SGO1: variants seen among roughly 807,000 people sequenced by gnomAD.
SGO1 encodes the protein shugoshin 1.
SGO1 carries 39 observed loss-of-function variants against 50.5 expected under a neutral mutation model. That is an observed-to-expected ratio of 0.77 (90% confidence interval 0.60 to 1.01). The LOEUF (loss-of-function observed/expected upper bound fraction) is 1.01, where lower values mean the gene tolerates loss of function less well. Among genes scored for constraint, SGO1 ranks in the 50% least tolerant of loss-of-function variants. The pLI is 0.00. For synonymous variants in SGO1, 191 were observed against 205.1 expected (o/e 0.93, Z 0.59); for missense variants, 638 against 606.0 (o/e 1.05, Z -0.55).
At position 20,183,759 on chromosome 3, in the gene SGO1, A is replaced by AT. The variant is rs1231713454; in HGVS notation, c.187dup (p.Met63AsnfsTer9). The AT allele has an allele frequency of 6.2e-7, 1 of 1,612,878 alleles. No individual in the cohort carries two copies. Among genetic ancestry groups the AT allele is most frequent in the Non-Finnish European group, 8.5e-7 (1 of 1,179,734 alleles). ...TTCATTTTCCAAAGCTAAAACTAAC[A>AT]TTTTGTTGTTGTCTTGGTAATTTTT... On this transcript the variant is annotated frameshift_variant, in exon 3 of 8. Transcript: ENST00000412997. LOFTEE classifies it high-confidence loss of function.
intron 5 of SGO1, among the ~76,000 whole-genome samples, chr3:20,175,544 C>T (rs1701283070): frequency 6.6e-6 from 1 of 152,184 alleles, no homozygotes; most frequent in East Asian, 1.9e-4. Context: ...CGCTTGTAAT[C>T]CCAGCACTTT....
downstream of SGO1, among the ~76,000 whole-genome samples, chr3:20,164,963 A>G (rs981985097): frequency 2.0e-5 from 3 of 152,250 alleles, no homozygotes; most frequent in Non-Finnish European, 4.4e-5. Context: ...CATTTTAAGG[A>G]AAACACAGAA....
At chr3:20,161,304 A>G (rs1407497515) in intron 8 of SGO1, 4 of 1,410,042 alleles carry the variant, frequency 2.8e-6, no homozygotes, top group African/African-American at 1.5e-5. Flanking sequence ...AGAAGGAAAA[A>G]TAAGTTCCAT....
At chr3:20,168,543 T>C (rs1308795184), downstream of SGO1, among the ~76,000 whole-genome samples, 4 of 152,050 alleles carry the variant, frequency 2.6e-5, no homozygotes, top group African/African-American at 9.7e-5. Context: ...CTTTCTGTGA[T>C]GATGGAAATG....
chr3:20,161,767 A>G (rs1700052175), intron 8 of SGO1, among the ~76,000 whole-genome samples: 2 of 152,342 alleles, frequency 1.3e-5, no homozygotes, highest in South Asian at 4.1e-4. Flanking sequence ...AATAAAAAGC[A>G]TGAATATTTA....
rs779035279 is a variant in SGO1 at position 20,171,063 on chromosome 3, A to G, written c.1452T>C (p.Tyr484=). 4 of 1,595,996 alleles carry G rather than the reference A, an allele frequency of 2.5e-6. No individual in the cohort carries two copies. The South Asian group carries it at 3.4e-5, about 14-fold the overall frequency. The change falls in exon 7 of 8, where the codon TAT becomes TAC. Residue 484 remains tyrosine (Y), a synonymous_variant. Coordinates refer to ENST00000412997, the MANE Select transcript of SGO1 (RefSeq NM_001199251.3). ...CTTACGAAGCGAGGGTGGGCTCCTT[A>G]TAGTTCACGCTGGCTGTGCACCTAC... ...PKRRCTASVN[Y]KEPTLASKLR...
At chr3:20,174,019 A>C (rs1028390878) in intron 6 of SGO1, among the ~76,000 whole-genome samples, 11 of 152,172 alleles carry the variant, frequency 7.2e-5, no homozygotes, top group Admixed American at 7.2e-4. Flanking sequence ...TGAAAATAAA[A>C]ATTCTGTCTC....
rs1048199579 is a variant in SGO1 at position 20,180,262 on chromosome 3, G to A, written c.340-1915C>T. Reference sequence around the variant, plus strand: ...TGATATGCCACTGCACTTCAGTCTAGGCAATGGAGCGAGACTCTGTCTCAA... The same window carrying A: ...TGATATGCCACTGCACTTCAGTCTAAGCAATGGAGCGAGACTCTGTCTCAA... On this transcript the variant is annotated intron_variant, in intron 3 of 7. Coordinates refer to ENST00000412997, the MANE Select transcript of SGO1 (RefSeq NM_001199251.3). 2.0e-5 allele frequency among the ~76,000 whole-genome samples: 3 copies of A among 152,162 alleles called. 1 individual carries two copies. Among genetic ancestry groups the A allele is most frequent in the Non-Finnish European group, 2.9e-5 (2 of 68,036 alleles).
At chr3:20,160,984 A>T in exon 9 of SGO1, 1 of 1,440,044 alleles carries the variant, frequency 6.9e-7, no homozygotes, top group Non-Finnish European at 9.4e-7. Context: ...TGAGTGAAAC[A>T]GACTGTCAAC....
rs572512762 is a variant in SGO1, at chr3:20,185,503, G to C, written c.-8+445C>G. On this transcript the variant is annotated intron_variant, in intron 1 of 7. Coordinates refer to ENST00000412997, the MANE Select transcript of SGO1 (RefSeq NM_001199251.3). ...CAATCTGTACAGTACTCGTGTAAGC[G>C]CTCTGGATTTAAAGAACCTAGCATA... 2.6e-5 allele frequency among the ~76,000 whole-genome samples: 4 copies of C among 152,148 alleles called. No individual in the cohort carries two copies. In the South Asian group the frequency reaches 8.3e-4, roughly 32 times the overall value.
At chr3:20,169,078 T>G (rs1700469858), downstream of SGO1, 2 of 983,864 alleles carry the variant, frequency 2.0e-6, no homozygotes, top group African/African-American at 3.5e-5. Flanking sequence ...AAGACTAGGG[T>G]GTATGAATCA....
intron 1 of SGO1, among the ~76,000 whole-genome samples, chr3:20,185,524 G>C (rs11927989): frequency 6.6e-6 from 1 of 152,128 alleles, no homozygotes; most frequent in Admixed American, 6.5e-5. Context: ...AAAGAACCTA[G>C]CATATTTGAT....
chr3:20,169,561 A>G lies in SGO1; in HGVS notation c.*1143T>C. ...AAAATTTAAAGAGGTATATACAAGT[A>G]TAGACATCAAACTTTCTAAACTGAA... On this transcript the variant is annotated 3_prime_UTR_variant, in exon 8 of 8. Transcript: ENST00000412997. 4.1e-6 allele frequency: 4 copies of G among 985,070 alleles called. No individual in the cohort carries two copies. The highest frequency in any genetic ancestry group is 4.8e-6 in the Non-Finnish European group (4 of 829,552). 61.0% of individuals were successfully genotyped at this position (985,070 alleles called of 1,614,324 possible).
Position 20,174,623 on chromosome 3 carries a change from G to T in SGO1, c.908C>A (p.Ser303Ter). ...CTCTTTATATTTTGACATACGTTTTGATTTTCTCCTGTTAGCTTTTCTTTT... is the reference window on the plus strand; with the variant it reads ...CTCTTTATATTTTGACATACGTTTTTATTTTCTCCTGTTAGCTTTTCTTTT... ...EEKRKANRRK[S>*]KRMSKYKENK... Residue 303 changes from serine (S) to a stop codon, truncating the protein, a stop_gained, in exon 6 of 8, where the codon TCA becomes TAA. Transcript: ENST00000412997. LOFTEE classifies it high-confidence loss of function. 2.5e-6 allele frequency: 4 copies of T among 1,600,166 alleles called. No homozygotes were observed. Among genetic ancestry groups the T allele is most frequent in the South Asian group, 1.1e-5 (1 of 87,890 alleles).
intron 1 of SGO1, among the ~76,000 whole-genome samples, chr3:20,184,709 A>G (rs1301019831): frequency 6.6e-6 from 1 of 152,234 alleles, no homozygotes; most frequent in East Asian, 1.9e-4. Context: ...ACTGTGGCTA[A>G]AAGTTAGGGC....
chr3:20,162,091 T>C (rs1700069393), intron 8 of SGO1, among the ~76,000 whole-genome samples: 1 of 152,124 alleles, frequency 6.6e-6, no homozygotes, highest in South Asian at 2.1e-4. Context: ...GCCGCAGATG[T>C]AGAATTTGCT....
intron 1 of SGO1, among the ~76,000 whole-genome samples, chr3:20,184,523 T>C (rs1575264088): frequency 6.6e-6 from 1 of 152,226 alleles, no homozygotes; most frequent in Admixed American, 6.5e-5. Flanking sequence ...ATTCAACTAT[T>C]TTTCCATACT....
At position 20,174,233 on chromosome 3, in the gene SGO1, C is replaced by T; in HGVS notation, c.1282+16G>A. ...CACGAACATTAAAAATACAGGTAAA[C>T]AAGTAGATCACTTACTGGTAGGAGT... On this transcript the variant is annotated intron_variant, in intron 6 of 7. Coordinates refer to ENST00000412997, the MANE Select transcript of SGO1 (RefSeq NM_001199251.3). 6.3e-7 allele frequency: 1 copy of T among 1,581,854 alleles called. No homozygotes were observed. The highest frequency in any genetic ancestry group is 2.2e-5 in the East Asian group (1 of 44,696).
chr3:20,179,142 T>C (rs1216853373), intron 3 of SGO1, among the ~76,000 whole-genome samples: 2 of 152,162 alleles, frequency 1.3e-5, no homozygotes, highest in African/African-American at 4.8e-5. Flanking sequence ...AAGCCTCTTG[T>C]GGTTTTGGCC....
Sources: allele counts gnomAD v4.1 joint callset (sites outside exome capture counted in the v4.1 genomes callset), GRCh38; gene constraint gnomAD v4.1.1; transcripts MANE v1.5; gene names NCBI Gene and HGNC (gene_info 2026-07-23, HGNC 2026-07-21).